Variants in CFAP74 observed in about 807,000 individuals in gnomAD.
The protein encoded by CFAP74 is cilia- and flagella-associated protein 74.
A neutral mutation model predicts 188.9 loss-of-function variants in CFAP74; 124 were observed. The observed-to-expected ratio is 0.66, with a 90% CI of 0.57 to 0.76. CFAP74 has a LOEUF of 0.76. CFAP74 is among the 30% of genes least tolerant of loss of function. The pLI, the probability that CFAP74 is intolerant of heterozygous loss-of-function variation, is 0.00. For missense variants in CFAP74, 2,198 were observed against 2,165.2 expected, an observed-to-expected ratio of 1.02 and a Z score of -0.30; for synonymous variants, 956 against 916.7, an observed-to-expected ratio of 1.04 and a Z score of -0.77.
chr1:1,980,706 A>G lies in CFAP74; in HGVS notation c.500+4680T>C, dbSNP rs375712882. Among the ~76,000 whole-genome samples, 260 of 152,290 alleles carry G rather than the reference A, an allele frequency of 1.7e-3. 1 individual carries two copies. The highest frequency in any genetic ancestry group is 6.0e-3 in the African/African-American group (251 of 41,572). On this transcript the variant is annotated intron_variant, in intron 6 of 38. Transcript: ENST00000682832. ...GTCCTGGGAGAGCTGCGGGTGAGAC[A>G]CATGCAGCATCCCGTCTCCAAGATG...
chr1:1,938,226 G>C (rs58575452), intron 25 of CFAP74, among the ~76,000 whole-genome samples: 9 of 127,944 alleles, frequency 7.0e-5, no homozygotes, highest in African/African-American at 2.2e-4. Flanking sequence ...TGCACTCACA[G>C]TCACATGCTC....
chr1:1,956,222 G>A (rs540286503), intron 17 of CFAP74, among the ~76,000 whole-genome samples: 3 of 152,356 alleles, frequency 2.0e-5, no homozygotes, highest in African/African-American at 7.2e-5. Flanking sequence ...ACCCGTGACA[G>A]GACAAGACGC....
rs969683540 is a variant in CFAP74, at chr1:1,974,096, G to C, written c.603C>G (p.Arg201=). 2.2e-5 allele frequency: 36 copies of C among 1,612,350 alleles called. No homozygotes were observed. The highest frequency in any genetic ancestry group is 3.0e-5 in the Non-Finnish European group (35 of 1,179,178). Reference sequence around the variant, plus strand: ...GCTCTCTGCAGAGCTGCTCGGCTGCGCGCACCTGGAGCCGCCGCCCCGTGG... The same window carrying C: ...GCTCTCTGCAGAGCTGCTCGGCTGCCCGCACCTGGAGCCGCCGCCCCGTGG... ...VEATGRRLQV[R]AAEQLCREQE... Residue 201 remains arginine (R), a synonymous_variant, in exon 7 of 39, where the codon CGC becomes CGG. Coordinates refer to ENST00000682832, the MANE Select transcript of CFAP74 (RefSeq NM_001304360.2).
Position 1,988,914 on chromosome 1 carries a change from C to A in CFAP74, c.127G>T (p.Asp43Tyr). The A allele has an allele frequency of 6.4e-7, 1 of 1,554,008 alleles. No homozygotes were observed. The highest frequency in any genetic ancestry group is 8.7e-7 in the Non-Finnish European group (1 of 1,146,372). Residue 43 changes from aspartate (D) to tyrosine (Y), a missense_variant, in exon 3 of 39, where the codon GAT becomes TAT. By Grantham distance (160) the Asp-to-Tyr change is radical. Transcript: ENST00000682832. ...DIKCLLQEAE[D>Y]DVDPGHSSSV... ...CTGCTGTGTCCCGGGTCCACGTCATCCTCAGCTTCCTGTAGAAGACATTTG... is the reference window on the plus strand; with the variant it reads ...CTGCTGTGTCCCGGGTCCACGTCATACTCAGCTTCCTGTAGAAGACATTTG...
chr1:1,976,198 A>G (rs1323791767), intron 6 of CFAP74, among the ~76,000 whole-genome samples: 1 of 152,184 alleles, frequency 6.6e-6, no homozygotes, highest in Non-Finnish European at 1.5e-5. Flanking sequence ...CGTCACCTCC[A>G]GGGCGGATTT....
chr1:1,955,386 AG>A, intron 18 of CFAP74: 1 of 1,380,880 alleles, frequency 7.2e-7, no homozygotes, highest in Non-Finnish European at 9.6e-7. Context: ...CGGCCCCTCC[AG>A]GGGGCACCGC....
intron 18 of CFAP74, among the ~76,000 whole-genome samples, chr1:1,950,432 C>T (rs762245137): frequency 1.3e-5 from 2 of 151,860 alleles, no homozygotes; most frequent in Non-Finnish European, 2.9e-5. Context: ...CTCCGCCTCC[C>T]AGGTTCAAGT....
chr1:1,995,064 T>C (rs1012642621), intron 1 of CFAP74, among the ~76,000 whole-genome samples: 5 of 152,102 alleles, frequency 3.3e-5, no homozygotes, highest in Admixed American at 6.5e-5. Flanking sequence ...AGCAGTGGGA[T>C]TGGGAACTGA....
At chr1:1,980,161 G>A (rs1466009212) in intron 6 of CFAP74, among the ~76,000 whole-genome samples, 3 of 51,172 alleles carry the variant, frequency 5.9e-5, no homozygotes, top group African/African-American at 2.4e-4. Context: ...ACGGGTGAAC[G>A]AGAGACTGTA....
intron 18 of CFAP74, chr1:1,953,806 T>C (rs975593213): frequency 1.3e-5 from 2 of 153,122 alleles, no homozygotes; most frequent in East Asian, 3.8e-4. Context: ...AAAAATTGCC[T>C]AAAAATCATA....
chr1:1,930,847 G>A (rs1050711165), intron 25 of CFAP74, among the ~76,000 whole-genome samples: 1 of 152,174 alleles, frequency 6.6e-6, no homozygotes, highest in Non-Finnish European at 1.5e-5. Flanking sequence ...GGAAGCACAG[G>A]TGTCTACGAG....
chr1:1,952,011 C>T (rs72894741), intron 18 of CFAP74, among the ~76,000 whole-genome samples: 11,972 of 152,228 alleles, frequency 0.079, 1,538 homozygotes, highest in African/African-American at 0.27. Flanking sequence ...GGGAATTCCA[C>T]GAGAAGCATA....
intron 27 of CFAP74, 77 bp from the exon 28 acceptor site, chr1:1,927,823 G>A: frequency 1.4e-6 from 2 of 1,467,088 alleles, no homozygotes; most frequent in Non-Finnish European, 9.1e-7. Flanking sequence ...CTCCTCTGCG[G>A]CCAGTGCGGG....
At position 1,933,185 on chromosome 1, in the gene CFAP74, C is replaced by CT. The variant is rs897460590; in HGVS notation, c.3012-2850dup. Among the ~76,000 whole-genome samples the CT allele has an allele frequency of 3.5e-3, 468 of 133,198 alleles. 2 individuals carry two copies. The highest frequency in any genetic ancestry group is 6.9e-3 in the African/African-American group (247 of 36,056). 87.4% of individuals were successfully genotyped at this position (133,198 alleles called of 152,430 possible). A position where few individuals can be genotyped will look rare whatever the true frequency, so the allele number is the denominator to read the frequency against. ...ACATGCGGGAGCCACCGTGCCTGACCTTTTTTTTTTTTTTTTTGAAATGGA... is the reference window on the plus strand; with the variant it reads ...ACATGCGGGAGCCACCGTGCCTGACCTTTTTTTTTTTTTTTTTTGAAATGGA... On this transcript the variant is annotated intron_variant, in intron 25 of 38. Transcript: ENST00000682832.
At chr1:1,960,762 G>C (rs1026435667) in intron 14 of CFAP74, among the ~76,000 whole-genome samples, 1 of 152,212 alleles carries the variant, frequency 6.6e-6, no homozygotes, top group African/African-American at 2.4e-5. Flanking sequence ...GAAATGCTTT[G>C]GTGCCGACTG....
At chr1:1,931,800 C>T (rs1374153434) in intron 25 of CFAP74, among the ~76,000 whole-genome samples, 6 of 150,024 alleles carry the variant, frequency 4.0e-5, no homozygotes, top group South Asian at 4.2e-4. Context: ...CGGTGACTCA[C>T]GCCTATAATC....
In CFAP74 at chr1:1,972,090, A is replaced by G; in HGVS notation, c.786-8T>C. ...TTCTCTTGCTCTCGGATTCTGAGGA[A>G]GGACATTTAAACATTTTTGAGGCTC... On this transcript the variant is annotated splice_region_variant and splice_polypyrimidine_tract_variant and intron_variant, in intron 8 of 38. Coordinates refer to ENST00000682832, the MANE Select transcript of CFAP74 (RefSeq NM_001304360.2). 1 of 1,606,596 alleles carries G rather than the reference A, an allele frequency of 6.2e-7. No homozygotes were observed. Among genetic ancestry groups the G allele is most frequent in the Non-Finnish European group, 8.5e-7 (1 of 1,175,792 alleles).
intron 1 of CFAP74, among the ~76,000 whole-genome samples, chr1:1,997,283 G>A (rs1222204100): frequency 1.3e-5 from 2 of 152,056 alleles, no homozygotes; most frequent in East Asian, 1.9e-4. Context: ...TTAGCCAGGC[G>A]TGGTGGCGCA....
At position 1,923,643 on chromosome 1, in the gene CFAP74, C is replaced by G; in HGVS notation, c.4389+132G>C. ...TGGACTCTGGTCTTTCCACTGACGGCCCTCAGTGTGGTGCTGAGTCCCCCA... is the reference window on the plus strand; with the variant it reads ...TGGACTCTGGTCTTTCCACTGACGGGCCTCAGTGTGGTGCTGAGTCCCCCA... On this transcript the variant is annotated intron_variant, in intron 35 of 38. Coordinates refer to ENST00000682832, the MANE Select transcript of CFAP74 (RefSeq NM_001304360.2). The surrounding 1 kb of genome is among the most constrained non-coding windows in gnomAD (Gnocchi z 6.3). The G allele has an allele frequency of 6.6e-7, 1 of 1,523,736 alleles. No individual in the cohort carries two copies. The highest frequency in any genetic ancestry group is 8.9e-7 in the Non-Finnish European group (1 of 1,118,912). The allele number at this position is 1,523,736 out of a possible 1,614,324, so 94.4% of individuals were successfully genotyped here.
Sources: allele counts gnomAD v4.1 joint callset (sites outside exome capture counted in the v4.1 genomes callset), GRCh38; gene constraint gnomAD v4.1.1; non-coding constraint Gnocchi (gnomAD v3.1); transcripts MANE v1.5; gene names NCBI Gene and HGNC (gene_info 2026-07-23, HGNC 2026-07-21).